CDH4: variants seen among roughly 807,000 people sequenced by gnomAD.
CDH4 encodes the protein cadherin-4.
In CDH4, 33 loss-of-function variants were observed where a neutral mutation model predicts 86.0. The observed-to-expected ratio is 0.38, with a 90% CI of 0.29 to 0.51. CDH4 has a LOEUF of 0.51. Among genes scored for constraint, CDH4 ranks in the 20% least tolerant of loss-of-function variants. The pLI is 0.86. For missense variants in CDH4, 1,114 were observed against 1,307.4 expected (o/e 0.85, Z 2.28); for synonymous variants, 555 against 549.4 (o/e 1.01, Z -0.14).
At chr20:61,528,717 G>C (rs894502271) in intron 2 of CDH4, among the ~76,000 whole-genome samples, 1 of 152,190 alleles carries the variant, frequency 6.6e-6, no homozygotes, top group Admixed American at 6.5e-5. Flanking sequence ...GATGAACAAC[G>C]ATGATTTAGA....
chr20:61,855,621 C>G (rs1049180712), intron 6 of CDH4, among the ~76,000 whole-genome samples: 1 of 152,228 alleles, frequency 6.6e-6, no homozygotes, highest in Non-Finnish European at 1.5e-5. Flanking sequence ...CCGTGTCTTA[C>G]TTTTTAAAAA....
chr20:61,714,108 G>A (rs567432532), intron 2 of CDH4, among the ~76,000 whole-genome samples: 26 of 150,878 alleles, frequency 1.7e-4, no homozygotes, highest in South Asian at 4.2e-4. Context: ...GTGCAGTGGC[G>A]TGATCTTGGC....
intron 4 of CDH4, among the ~76,000 whole-genome samples, chr20:61,776,902 G>GA (rs1474577615): frequency 6.6e-6 from 1 of 152,188 alleles, no homozygotes; most frequent in Non-Finnish European, 1.5e-5. Flanking sequence ...TGTCATGAAG[G>GA]AGGGGGAAAT....
intron 2 of CDH4, among the ~76,000 whole-genome samples, chr20:61,361,652 T>C (rs2084783640): frequency 6.6e-6 from 1 of 152,150 alleles, no homozygotes; most frequent in South Asian, 2.1e-4. Context: ...AGACATCCGC[T>C]GAGCAGCAGG....
At chr20:61,636,464 A>G (rs555168394) in intron 2 of CDH4, among the ~76,000 whole-genome samples, 1 of 152,364 alleles carries the variant, frequency 6.6e-6, no homozygotes, top group Admixed American at 6.5e-5. Context: ...CTTTGCTTGA[A>G]TAATTCGTTT....
chr20:61,425,325 A>G (rs939667093), intron 2 of CDH4, among the ~76,000 whole-genome samples: 4 of 151,724 alleles, frequency 2.6e-5, no homozygotes, highest in Non-Finnish European at 2.9e-5. Flanking sequence ...ACCTGGAGCC[A>G]CCCTCGACAC....
intron 2 of CDH4, among the ~76,000 whole-genome samples, chr20:61,400,599 G>T (rs2085044135): frequency 6.6e-6 from 1 of 152,196 alleles, no homozygotes; most frequent in Non-Finnish European, 1.5e-5. Context: ...CATGGATCCA[G>T]TCTCCACCGT....
chr20:61,773,362 C>T (rs531548447), intron 4 of CDH4, among the ~76,000 whole-genome samples, 180 bp downstream of exon 4: 240 of 152,342 alleles, frequency 1.6e-3, no homozygotes, highest in Non-Finnish European at 2.5e-3. Flanking sequence ...GGGGAAGCTG[C>T]GTCCTCCGCG....
intron 2 of CDH4, among the ~76,000 whole-genome samples, chr20:61,459,139 C>T (rs993142456): frequency 6.6e-6 from 1 of 152,094 alleles, no homozygotes; most frequent in Non-Finnish European, 1.5e-5. Flanking sequence ...TCTCTGCCTT[C>T]ATGGGCTGGT....
At chr20:61,494,994 T>G (rs6121646) in intron 2 of CDH4, among the ~76,000 whole-genome samples, 1 of 152,216 alleles carries the variant, frequency 6.6e-6, no homozygotes, top group African/African-American at 2.4e-5. Context: ...AAGAGGACTA[T>G]CCACAGGGAG....
At chr20:61,489,322 G>C (rs998314596) in intron 2 of CDH4, among the ~76,000 whole-genome samples, 1 of 152,162 alleles carries the variant, frequency 6.6e-6, no homozygotes, top group South Asian at 2.1e-4. Context: ...AAATGTATTG[G>C]GTTGGTGCAA....
chr20:61,361,645 C>A (rs2084783543), intron 2 of CDH4, among the ~76,000 whole-genome samples: 1 of 152,196 alleles, frequency 6.6e-6, no homozygotes, highest in Admixed American at 6.5e-5. Context: ...CTTGAACAGA[C>A]ATCCGCTGAG....
chr20:61,572,866 T>TGGAC lies in CDH4; in HGVS notation c.170-170696_170-170693dup, dbSNP rs1555809985. Among the ~76,000 whole-genome samples the TGGAC allele has an allele frequency of 3.9e-3, 583 of 150,576 alleles. 4 individuals are homozygous for TGGAC. The highest frequency in any genetic ancestry group is 4.6e-3 in the Non-Finnish European group (311 of 67,716). The stretch of plus-strand genomic sequence containing the variant: ...ATGGATGGATGGATGGATGGATGGA[T>TGGAC]GGACAGACAGAGGGAGAGATGGATG... On this transcript the variant is annotated intron_variant, in intron 2 of 15. Transcript: ENST00000614565.
intron 2 of CDH4, among the ~76,000 whole-genome samples, chr20:61,474,650 G>C (rs1056600981): frequency 2.6e-5 from 4 of 152,004 alleles, no homozygotes; most frequent in African/African-American, 9.7e-5. Context: ...GGTGACTTGA[G>C]TTAAGCAACC....
intron 2 of CDH4, among the ~76,000 whole-genome samples, chr20:61,589,820 ATAAT>A (rs1270131319): frequency 1.3e-5 from 2 of 151,200 alleles, no homozygotes; most frequent in Admixed American, 1.3e-4. Context: ...AAGTATAATA[ATAAT>A]TAAAAAAAAA....
intron 2 of CDH4, among the ~76,000 whole-genome samples, chr20:61,713,743 G>A (rs2087918594): frequency 6.6e-6 from 1 of 152,216 alleles, no homozygotes; most frequent in South Asian, 2.1e-4. Flanking sequence ...GGCTCCCCAT[G>A]GGCCGCAGCA....
intron 2 of CDH4, among the ~76,000 whole-genome samples, chr20:61,299,805 C>T (rs772576446): frequency 1.4e-4 from 21 of 152,188 alleles, no homozygotes; most frequent in Non-Finnish European, 2.4e-4. Context: ...GGAGGACTAG[C>T]GCCAAAAAAC....
intron 2 of CDH4, among the ~76,000 whole-genome samples, chr20:61,271,745 G>GC: frequency 6.6e-6 from 1 of 152,192 alleles, no homozygotes; most frequent in Non-Finnish European, 1.5e-5. Flanking sequence ...GAGAGAAGGT[G>GC]CCCCTCACGA....
At chr20:61,894,640 CT>C (rs1985013532) in intron 7 of CDH4, among the ~76,000 whole-genome samples, 2 of 152,170 alleles carry the variant, frequency 1.3e-5, no homozygotes, top group South Asian at 4.1e-4. Context: ...TGATCTGCCC[CT>C]ATCAACGGCA....
Sources: gnomAD v4.1 joint callset for allele counts (sites outside exome capture counted in the v4.1 genomes callset) on GRCh38, gnomAD v4.1.1 for gene constraint, MANE v1.5 for transcripts, NCBI Gene and HGNC (gene_info 2026-07-23, HGNC 2026-07-21) for gene names.